Variants in CDS2 observed in about 807,000 individuals in gnomAD.
The protein encoded by CDS2 is CDP-diacylglycerol synthase 2.
A neutral mutation model predicts 59.0 loss-of-function variants in CDS2; 47 were observed. The observed-to-expected ratio is 0.80, with a 90% CI of 0.63 to 1.02. The LOEUF is 1.02. Among genes scored for constraint, CDS2 ranks in the 50% least tolerant of loss-of-function variants. CDS2 has a pLI of 0.00. For synonymous variants in CDS2, 207 were observed against 206.4 expected (o/e 1.00, Z -0.02); for missense variants, 356 against 558.9 (o/e 0.64, Z 3.66).
At chr20:5,150,056 T>C (rs1159993029) in intron 1 of CDS2, among the ~76,000 whole-genome samples, 1 of 152,188 alleles carries the variant, frequency 6.6e-6, no homozygotes, top group Non-Finnish European at 1.5e-5. Flanking sequence ...TTGAAATCTT[T>C]CATCCATCTG....
chr20:5,173,740 C>T (rs1201751274), intron 2 of CDS2, 81 bp downstream of exon 2: 14 of 1,550,720 alleles, frequency 9.0e-6, no homozygotes, highest in African/African-American at 4.1e-5. Context: ...GCAGAGAGCC[C>T]GTGGTCTTGC....
intron 1 of CDS2, among the ~76,000 whole-genome samples, chr20:5,167,349 G>C (rs2090920462): frequency 6.6e-6 from 1 of 152,298 alleles, no homozygotes; most frequent in East Asian, 1.9e-4. Context: ...TGAGGCTTTT[G>C]AAGGACAGGG....
At chr20:5,187,734 T>C (rs1270380246) in intron 10 of CDS2, 1 of 151,744 alleles carries the variant, frequency 6.6e-6, no homozygotes, top group Non-Finnish European at 1.5e-5. Flanking sequence ...TACAAAAAAA[T>C]ATAGCTGGGG....
rs752743493 is a variant in CDS2 at position 5,185,775 on chromosome 20, C to T, written c.777C>T (p.Thr259=). The change falls in exon 9 of 13, where the codon ACC becomes ACT. Residue 259 remains threonine (T), a synonymous_variant. Transcript: ENST00000460006. ...TPLIKLSPKK[T]WEGFIGGFFA... ...GTCCACAGCTGTCCCCGAAGAAGACCTGGGAAGGCTTCATTGGGGGCTTCT... is the reference window on the plus strand; with the variant it reads ...GTCCACAGCTGTCCCCGAAGAAGACTTGGGAAGGCTTCATTGGGGGCTTCT... 5 of 1,614,090 alleles carry T rather than the reference C, an allele frequency of 3.1e-6. No homozygotes were observed. Among genetic ancestry groups the T allele is most frequent in the Admixed American group, 1.7e-5 (1 of 60,012 alleles).
At chr20:5,186,905 C>T (rs1045364667) in intron 10 of CDS2, 66 bp downstream of exon 10, 8 of 1,553,398 alleles carry the variant, frequency 5.1e-6, no homozygotes, top group African/African-American at 1.4e-5. Flanking sequence ...GATCCCCCTC[C>T]ATCACCTGCC....
intron 1 of CDS2, among the ~76,000 whole-genome samples, chr20:5,160,916 C>T (rs1197256785): frequency 1.3e-5 from 2 of 152,216 alleles, no homozygotes; most frequent in Admixed American, 1.3e-4. Flanking sequence ...TAATATGCCA[C>T]TGTATATGTA....
At chr20:5,138,159 T>C (rs1271500911) in intron 1 of CDS2, among the ~76,000 whole-genome samples, 1 of 151,182 alleles carries the variant, frequency 6.6e-6, no homozygotes, top group Admixed American at 6.6e-5. Context: ...GCTGTGTTGC[T>C]CAGGCTGGTC....
intron 1 of CDS2, among the ~76,000 whole-genome samples, chr20:5,127,963 C>G (rs772976344): frequency 6.6e-6 from 1 of 152,016 alleles, no homozygotes; most frequent in Non-Finnish European, 1.5e-5. Flanking sequence ...TGATCAGGAG[C>G]CCTGTGTTTG....
rs2091124383 is a variant in CDS2 at position 5,192,500 on chromosome 20, A to G, written c.*2266A>G. 1 of 152,394 alleles carries G rather than the reference A, an allele frequency of 6.6e-6. No individual in the cohort carries two copies. Among genetic ancestry groups the G allele is most frequent in the Non-Finnish European group, 1.5e-5 (1 of 68,202 alleles). The allele number at this position is 152,394 out of a possible 1,614,324, so 9.4% of individuals were successfully genotyped here. A position where few individuals can be genotyped will look rare whatever the true frequency, so the allele number is the denominator to read the frequency against. On this transcript the variant is annotated 3_prime_UTR_variant, in exon 13 of 13. Coordinates refer to ENST00000460006, the MANE Select transcript of CDS2 (RefSeq NM_003818.4). Reference sequence around the variant, plus strand: ...TTTTTTGTCAGGTAGCTAGGAGAGCACTGCCACCTTGTGTCCATATAGCAC... The same window carrying G: ...TTTTTTGTCAGGTAGCTAGGAGAGCGCTGCCACCTTGTGTCCATATAGCAC...
intron 1 of CDS2, among the ~76,000 whole-genome samples, chr20:5,136,294 GT>G (rs1238708474): frequency 6.6e-6 from 1 of 152,134 alleles, no homozygotes; most frequent in African/African-American, 2.4e-5. Flanking sequence ...CCCTCCTTCA[GT>G]TTCTTTCTTC....
chr20:5,186,817 T>C lies in CDS2; in HGVS notation c.959T>C (p.Val320Ala). The C allele has an allele frequency of 6.2e-7, 1 of 1,614,020 alleles. No homozygotes were observed. The highest frequency in any genetic ancestry group is 8.5e-7 in the Non-Finnish European group (1 of 1,179,992). ...CTGCAGGAGTACAACATTCCTGGGG[T>C]GATCCAGTCAGTCATTGGCTGGGTA... ...FRLQEYNIPG[V>A]IQSVIGWKTV... Residue 320 changes from valine (V) to alanine (A), a missense_variant, in exon 10 of 13, where the codon GTG becomes GCG. Val to Ala is a moderately conservative substitution (Grantham distance 64, BLOSUM62 0). Transcript: ENST00000460006.
chr20:5,153,741 A>C (rs2090810858), intron 1 of CDS2, among the ~76,000 whole-genome samples: 1 of 152,104 alleles, frequency 6.6e-6, no homozygotes, highest in Non-Finnish European at 1.5e-5. Flanking sequence ...TGTCTTGTTT[A>C]TCACTCTCCC....
chr20:5,177,408 T>G (rs2123047915), intron 4 of CDS2, among the ~76,000 whole-genome samples: 1 of 152,220 alleles, frequency 6.6e-6, no homozygotes, highest in Middle Eastern at 3.4e-3. Flanking sequence ...TGAGGCTGAA[T>G]GCATGGGATC....
intron 1 of CDS2, among the ~76,000 whole-genome samples, chr20:5,146,545 C>T (rs184982735): frequency 6.6e-6 from 1 of 152,186 alleles, no homozygotes; most frequent in African/African-American, 2.4e-5. Context: ...ATGCTGTCAT[C>T]TTAGGTAATA....
intron 1 of CDS2, chr20:5,168,590 G>A (rs1428226074): frequency 3.9e-6 from 2 of 518,556 alleles, no homozygotes; most frequent in Non-Finnish European, 3.9e-6. Context: ...TCAGAGTCTT[G>A]AGAAATATCC....
At chr20:5,155,115 G>T (rs964627683) in intron 1 of CDS2, among the ~76,000 whole-genome samples, 1 of 152,226 alleles carries the variant, frequency 6.6e-6, no homozygotes, top group African/African-American at 2.4e-5. Flanking sequence ...GCTGCTGTGG[G>T]AAATGCAACT....
rs1203371689 is a variant in CDS2, at chr20:5,185,944, G to T, written c.828+118G>T. Reference sequence around the variant, plus strand: ...GAGGCCAGGACTGTCCTGCTGAATGGCAACCTTGCCCTGAAGAGGGCCACT... The same window carrying T: ...GAGGCCAGGACTGTCCTGCTGAATGTCAACCTTGCCCTGAAGAGGGCCACT... On this transcript the variant is annotated intron_variant, in intron 9 of 12. Transcript: ENST00000460006. The T allele has an allele frequency of 4.1e-6, 4 of 965,268 alleles. No homozygotes were observed. In the East Asian group the frequency reaches 9.8e-5, roughly 24 times the overall value. The allele number at this position is 965,268 out of a possible 1,614,324, so 59.8% of individuals were successfully genotyped here.
chr20:5,132,695 T>G (rs940102215), intron 1 of CDS2, among the ~76,000 whole-genome samples: 4 of 152,078 alleles, frequency 2.6e-5, no homozygotes, highest in Non-Finnish European at 5.9e-5. Context: ...GGAGAGGAGG[T>G]GAAAGATTAT....
intron 1 of CDS2, among the ~76,000 whole-genome samples, chr20:5,152,128 A>ATACG (rs1454802852): frequency 2.0e-5 from 3 of 151,984 alleles, no homozygotes; most frequent in African/African-American, 7.2e-5. Flanking sequence ...ATCTTTTAAA[A>ATACG]TACGCATCGT....
Sources: gnomAD v4.1 joint callset for allele counts (sites outside exome capture counted in the v4.1 genomes callset) on GRCh38, gnomAD v4.1.1 for gene constraint, MANE v1.5 for transcripts, NCBI Gene and HGNC (gene_info 2026-07-23, HGNC 2026-07-21) for gene names.